The following GRM7 variants were observed in gnomAD, a reference collection of about 807,000 sequenced individuals.
GRM7 encodes the protein metabotropic glutamate receptor 7.
A neutral mutation model predicts 84.5 loss-of-function variants in GRM7; 35 were observed. That is an observed-to-expected ratio of 0.41 (90% CI 0.32 to 0.55). The LOEUF (loss-of-function observed/expected upper bound fraction) is 0.55, where lower values mean the gene tolerates loss of function less well. GRM7 is among the 20% of genes least tolerant of loss of function. GRM7 has a pLI of 0.19. For missense variants in GRM7, 1,003 were observed against 1,194.6 expected (o/e 0.84, Z 2.36); for synonymous variants, 487 against 455.1 (o/e 1.07, Z -0.89).
chr3:7,064,501 T>TACAC (rs376719688), intron 1 of GRM7, among the ~76,000 whole-genome samples: 10 of 90,270 alleles, frequency 1.1e-4, no homozygotes, highest in Admixed American at 3.6e-4. Flanking sequence ...CATATATATA[T>TACAC]ACACATATAT....
chr3:7,140,787 G>T (rs544813378), intron 1 of GRM7, among the ~76,000 whole-genome samples: 1 of 151,904 alleles, frequency 6.6e-6, no homozygotes, highest in Admixed American at 6.6e-5. Context: ...TAAAGAAAAT[G>T]CTTTCAAGAA....
Position 7,151,812 on chromosome 3 carries a change from G to A in GRM7, c.736+5144G>A, listed in dbSNP as rs573349217. Reference sequence around the variant, plus strand: ...GGTTTAGTACAGTTGCTTTCACTCTGAATTTACACCATTATTTCCTCTCAC... The same window carrying A: ...GGTTTAGTACAGTTGCTTTCACTCTAAATTTACACCATTATTTCCTCTCAC... On this transcript the variant is annotated intron_variant, in intron 2 of 9. Transcript: ENST00000357716. This position sits in a 1 kb window ranked among gnomAD's most constrained non-coding sequence, Gnocchi z 4.5. Among the ~76,000 whole-genome samples the A allele has an allele frequency of 6.6e-6, 1 of 151,974 alleles. No homozygotes were observed. Among genetic ancestry groups the A allele is most frequent in the East Asian group, 2.0e-4 (1 of 5,116 alleles).
Position 6,977,367 on chromosome 3 carries a change from G to T in GRM7, c.519+115460G>T, listed in dbSNP as rs537213582. On this transcript the variant is annotated intron_variant, in intron 1 of 9. Transcript: ENST00000357716. The stretch of plus-strand genomic sequence containing the variant: ...TAAGCTGGCGTGTGTGTGTTTGTCT[G>T]TGTGTGTGTGTGTCTGTGTGCGTGT... 1.3e-3 allele frequency among the ~76,000 whole-genome samples: 194 copies of T among 151,552 alleles called. 1 individual carries two copies. Among genetic ancestry groups the T allele is most frequent in the South Asian group, 2.5e-3 (12 of 4,814 alleles).
chr3:7,022,049 C>T (rs887800986), intron 1 of GRM7, among the ~76,000 whole-genome samples: 6 of 151,966 alleles, frequency 3.9e-5, no homozygotes, highest in Non-Finnish European at 7.4e-5. Context: ...CACTCTAGGC[C>T]GGGGACAGGG....
At chr3:7,469,067 G>A (rs1329582962) in intron 7 of GRM7, among the ~76,000 whole-genome samples, 1 of 152,196 alleles carries the variant, frequency 6.6e-6, no homozygotes, top group Non-Finnish European at 1.5e-5. Context: ...TGAGCATATA[G>A]AAATGGCTTG....
intron 1 of GRM7, among the ~76,000 whole-genome samples, chr3:6,966,499 A>G (rs943853909): frequency 6.6e-6 from 1 of 152,236 alleles, no homozygotes; most frequent in Non-Finnish European, 1.5e-5. Context: ...GAGCAGAAAC[A>G]GTGTTTACCA....
intron 9 of GRM7, among the ~76,000 whole-genome samples, chr3:7,737,441 T>A (rs1261459075): frequency 6.6e-6 from 1 of 152,224 alleles, no homozygotes; most frequent in African/African-American, 2.4e-5. Context: ...AAATAAAAAG[T>A]ATATTTCCTT....
intron 1 of GRM7, among the ~76,000 whole-genome samples, chr3:6,956,119 T>TA (rs1693037823): frequency 6.6e-6 from 1 of 152,190 alleles, no homozygotes; most frequent in Non-Finnish European, 1.5e-5. Flanking sequence ...AGTATACCCA[T>TA]AAATTCAGCA....
intron 1 of GRM7, among the ~76,000 whole-genome samples, chr3:6,900,233 G>T (rs1439103156): frequency 6.6e-6 from 1 of 152,074 alleles, no homozygotes; most frequent in African/African-American, 2.4e-5. Flanking sequence ...AACAATTTAA[G>T]AATAAAACAA....
chr3:7,162,061 G>C (rs573763608), intron 2 of GRM7, among the ~76,000 whole-genome samples: 1 of 152,172 alleles, frequency 6.6e-6, no homozygotes, highest in Non-Finnish European at 1.5e-5. Context: ...GGATGGTGAT[G>C]GTTGTTACGA....
chr3:7,218,885 G>A (rs746190751), intron 2 of GRM7, among the ~76,000 whole-genome samples: 1 of 151,790 alleles, frequency 6.6e-6, no homozygotes, highest in Non-Finnish European at 1.5e-5. Flanking sequence ...AGCTTTTGGG[G>A]TACAAGTAGT....
chr3:7,579,105 T>A lies in GRM7; in HGVS notation c.2199T>A (p.Asp733Glu). 6.2e-7 allele frequency: 1 copy of A among 1,613,972 alleles called. No homozygotes were observed. ...VDPPNIIIDY[D>E]EHKTMNPEQA... is the part of the protein sequence containing the mutation. ...CACCCAACATCATCATAGACTATGA[T>A]GAACACAAGACAATGAACCCTGAGC... Residue 733 changes from aspartate to glutamate, a missense_variant, in exon 8 of 10, where the codon GAT (aspartate) becomes GAA (glutamate). Transcript: ENST00000357716.
intron 8 of GRM7, among the ~76,000 whole-genome samples, chr3:7,618,455 A>G (rs773762075): frequency 5.3e-5 from 8 of 152,180 alleles, no homozygotes; most frequent in Non-Finnish European, 8.8e-5. Context: ...ATGAACATTT[A>G]GTAAATGTGA....
chr3:7,454,348 T>C (rs2124895526), intron 6 of GRM7, among the ~76,000 whole-genome samples: 1 of 152,276 alleles, frequency 6.6e-6, no homozygotes, highest in East Asian at 1.9e-4. Context: ...TTGAATAGTC[T>C]CAACTCTTAC....
chr3:6,887,689 A>G (rs993381165), intron 1 of GRM7, among the ~76,000 whole-genome samples: 5 of 152,168 alleles, frequency 3.3e-5, no homozygotes, highest in African/African-American at 9.7e-5. Context: ...TGCAATAAAC[A>G]TACGTGTGCA....
chr3:6,923,365 G>C (rs538458345), intron 1 of GRM7, among the ~76,000 whole-genome samples: 2 of 152,072 alleles, frequency 1.3e-5, no homozygotes, highest in South Asian at 2.1e-4. Flanking sequence ...CCTGTAACAT[G>C]AAGAAGTGGC....
At chr3:6,873,223 C>G (rs184375599) in intron 1 of GRM7, among the ~76,000 whole-genome samples, 1 of 152,264 alleles carries the variant, frequency 6.6e-6, no homozygotes, top group African/African-American at 2.4e-5. Context: ...AGGCACCCAC[C>G]ACCAGGCCTG....
intron 2 of GRM7, among the ~76,000 whole-genome samples, chr3:7,269,268 A>C (rs891744496): frequency 1.3e-5 from 2 of 152,218 alleles, no homozygotes; most frequent in Admixed American, 1.3e-4. Flanking sequence ...GACGAAATTT[A>C]AACAAGAAAG....
At chr3:7,074,395 G>C (rs979569625) in intron 1 of GRM7, among the ~76,000 whole-genome samples, 1 of 152,198 alleles carries the variant, frequency 6.6e-6, no homozygotes, top group African/African-American at 2.4e-5. Context: ...TATGTGGGCT[G>C]TGCTCTGTGC....
Sources: allele counts gnomAD v4.1 joint callset (sites outside exome capture counted in the v4.1 genomes callset), GRCh38; gene constraint gnomAD v4.1.1; non-coding constraint Gnocchi (gnomAD v3.1); transcripts MANE v1.5; gene names NCBI Gene and HGNC (gene_info 2026-07-23, HGNC 2026-07-21).